Variants in IRX2 observed in about 807,000 individuals in gnomAD.
IRX2 encodes the protein iroquois-class homeodomain protein IRX-2.
In IRX2, 26 loss-of-function variants were observed where a neutral mutation model predicts 42.9. That is an observed-to-expected ratio of 0.61 (90% confidence interval 0.44 to 0.84). The LOEUF is 0.84. Ranked by LOEUF, IRX2 falls within the 40% of genes least tolerant of loss-of-function variation. The pLI is 0.00. For synonymous variants in IRX2, 424 were observed against 353.9 expected, an observed-to-expected ratio of 1.20 and a Z score of -2.22; for missense variants, 782 against 713.9, an observed-to-expected ratio of 1.10 and a Z score of -1.09.
chr5:2,741,172 C>T (rs1054987331), downstream of IRX2, among the ~76,000 whole-genome samples: 1 of 152,226 alleles, frequency 6.6e-6, no homozygotes, highest in Admixed American at 6.5e-5. Context: ...CCCACCTTTC[C>T]CCAGTAAGAA....
At chr5:2,736,243 T>TGGTGAA in the IRX2 span, among the ~76,000 whole-genome samples, 1 of 152,184 alleles carries the variant, frequency 6.6e-6, no homozygotes, top group Non-Finnish European at 1.5e-5. Flanking sequence ...AGCCTTGCCC[T>TGGTGAA]CCACTGGGCC....
chr5:2,748,239 C>T, intron 3 of IRX2, 106 bp downstream of exon 3: 1 of 1,049,214 alleles, frequency 9.5e-7, no homozygotes, highest in Non-Finnish European at 1.3e-6. Context: ...AGGAGTGGCC[C>T]CCTGGATCTT....
chr5:2,740,180 TGC>T, the IRX2 span, among the ~76,000 whole-genome samples: 2 of 124,320 alleles, frequency 1.6e-5, no homozygotes, highest in Non-Finnish European at 3.4e-5. Context: ...AGTCGTGGCG[TGC>T]GGGGGCGGGG....
At position 2,749,685 on chromosome 5, in the gene IRX2, G is replaced by A; in HGVS notation, c.352C>T (p.Arg118Cys). Residue 118 changes from arginine (R) to cysteine (C), a missense_variant, in exon 2 of 4, where the codon CGC becomes TGC. By Grantham distance (180) the Arg-to-Cys change is radical (BLOSUM62 -3). Around this residue, in one of 3 missense-constraint regions of IRX2, gnomAD observed 256 missense variants for 250.0 expected, o/e 1.02. Coordinates refer to ENST00000302057, the MANE Select transcript of IRX2 (RefSeq NM_033267.5). ...YPYQLNDPAY[R>C]KNATRDATAT... ...GTGGCGTCCCGCGTGGCGTTCTTGC[G>A]GTACGCGGGGTCGTTGAGCTGGTAC... is the stretch of plus-strand genomic sequence containing the variant. The A allele has an allele frequency of 3.7e-6, 6 of 1,614,194 alleles. No individual in the cohort carries two copies. Among genetic ancestry groups the A allele is most frequent in the Non-Finnish European group, 4.2e-6 (5 of 1,180,038 alleles).
chr5:2,740,775 G>A, the IRX2 span, among the ~76,000 whole-genome samples: 2 of 151,936 alleles, frequency 1.3e-5, no homozygotes, highest in Non-Finnish European at 2.9e-5. Context: ...CCGGGCCAGC[G>A]CCTCCAGCTC....
rs955214400 is a variant in IRX2 at position 2,749,274 on chromosome 5, C to T, written c.655+108G>A. The T allele has an allele frequency of 4.8e-6, 7 of 1,473,568 alleles. No homozygotes were observed. In the African/African-American group the frequency reaches 5.7e-5, roughly 12 times the overall value. 91.3% of individuals were successfully genotyped at this position (1,473,568 alleles called of 1,614,324 possible). A position where few individuals can be genotyped will look rare whatever the true frequency, so the allele number is the denominator to read the frequency against. ...GGGCAATGTGGTGCGGCTGGGGCTC[C>T]GGCCCGGACCTGGGGTGTCCGGCGG... is the stretch of plus-strand genomic sequence containing the variant. On this transcript the variant is annotated intron_variant, in intron 2 of 3. Transcript: ENST00000302057.
In IRX2 at chr5:2,751,074, C is replaced by A; in HGVS notation, c.249+91G>T. On this transcript the variant is annotated intron_variant, in intron 1 of 3. Transcript: ENST00000302057. This position sits in a 1 kb window ranked among gnomAD's most constrained non-coding sequence, Gnocchi z 4.0. ...GCCAGCCGCGCCACATTCCCGGCGG[C>A]CCCCGCCCGCCGAACCCGAGCCCCG... 1 of 1,168,870 alleles carries A rather than the reference C, an allele frequency of 8.6e-7. No individual in the cohort carries two copies. The highest frequency in any genetic ancestry group is 1.1e-6 in the Non-Finnish European group (1 of 943,892). The allele number at this position is 1,168,870 out of a possible 1,614,324, so 72.4% of individuals were successfully genotyped here.
At chr5:2,747,670 G>A (rs1737723799) in intron 3 of IRX2, 54 bp from the exon 4 acceptor site, 2 of 1,565,396 alleles carry the variant, frequency 1.3e-6, no homozygotes, top group Non-Finnish European at 1.8e-6. Context: ...TGCTGGCTGC[G>A]CAGACCACCG....
chr5:2,751,325 G>A lies in IRX2; in HGVS notation c.89C>T (p.Ala30Val). Residue 30 changes from alanine to valine, a missense_variant, in exon 1 of 4, where the codon GCT becomes GTT. By Grantham distance (64) the Ala-to-Val change is moderately conservative. Transcript: ENST00000302057. This position sits in a 1 kb window ranked among gnomAD's most constrained non-coding sequence, Gnocchi z 4.0. ...CPAYGASALAAPRSEELARSA... is the reference protein window; with the variant it reads ...CPAYGASALAVPRSEELARSA... ...GCGCGCCAGCTCCTCGCTGCGCGGA[G>A]CCGCCAAAGCCGACGCGCCGTAGGC... is the stretch of plus-strand genomic sequence containing the variant. The A allele has an allele frequency of 7.0e-7, 1 of 1,437,892 alleles. No individual in the cohort carries two copies. Among genetic ancestry groups the A allele is most frequent in the Non-Finnish European group, 9.1e-7 (1 of 1,096,024 alleles). The allele number at this position is 1,437,892 out of a possible 1,614,324, so 89.1% of individuals were successfully genotyped here.
At chr5:2,738,526 G>T in the IRX2 span, among the ~76,000 whole-genome samples, 55 of 152,254 alleles carry the variant, frequency 3.6e-4, 1 homozygote, top group African/African-American at 9.9e-4. Flanking sequence ...TTGTCCTCCC[G>T]GCCGCCTCTT....
Position 2,747,329 on chromosome 5 carries a change from T to TC in IRX2, c.*234dup. The TC allele has an allele frequency of 2.7e-6, 1 of 365,216 alleles. No individual in the cohort carries two copies. The highest frequency in any genetic ancestry group is 4.1e-5 in the East Asian group (1 of 24,472). 22.6% of individuals were successfully genotyped at this position (365,216 alleles called of 1,614,324 possible). ...CACATATATATATATATTTTTTTTT[T>TC]CCTTCCCTAGGTAAAGGAGTGATAG... On this transcript the variant is annotated 3_prime_UTR_variant, in exon 4 of 4. Transcript: ENST00000302057.
rs147644378 is a variant in IRX2 at position 2,749,506 on chromosome 5, C to T, written c.531G>A (p.Lys177=). The change falls in exon 2 of 4, where the codon AAG becomes AAA. Residue 177 remains lysine, a synonymous_variant. Transcript: ENST00000302057. The part of the protein sequence containing the change: ...NARRRLKKEN[K]MTWAPRNKSE... Reference sequence around the variant, plus strand: ...TTTTGTTTCTCGGGGCCCAGGTCATCTTGTTCTCCTTCTTGAGGCGCCGGC... The same window carrying T: ...TTTTGTTTCTCGGGGCCCAGGTCATTTTGTTCTCCTTCTTGAGGCGCCGGC... 7.7e-5 allele frequency: 125 copies of T among 1,614,232 alleles called. No homozygotes were observed. In the African/African-American group the frequency reaches 1.5e-3, roughly 19 times the overall value.
At chr5:2,742,553 C>CA (rs1388133055), downstream of IRX2, among the ~76,000 whole-genome samples, 2 of 151,738 alleles carry the variant, frequency 1.3e-5, no homozygotes, top group African/African-American at 4.8e-5. Context: ...TTAACGCTTT[C>CA]AAAAAAATAG....
downstream of IRX2, among the ~76,000 whole-genome samples, chr5:2,740,992 C>T (rs555785660): frequency 7.0e-4 from 107 of 152,362 alleles, no homozygotes; most frequent in African/African-American, 2.5e-3. Flanking sequence ...CCTAACCTTT[C>T]AGGGTCCAAG....
the IRX2 span, among the ~76,000 whole-genome samples, chr5:2,739,250 G>A: frequency 0.017 from 2,619 of 152,332 alleles, 26 homozygotes; most frequent in Non-Finnish European, 0.027. Context: ...CTCGCTCCGT[G>A]CGCCCAAGGG....
intron 3 of IRX2, 88 bp downstream of exon 3, chr5:2,748,257 G>T: frequency 8.2e-7 from 1 of 1,225,154 alleles, no homozygotes; most frequent in Non-Finnish European, 1.1e-6. Flanking sequence ...CTTCTTCCCG[G>T]ACCCTCCCTC....
chr5:2,751,295 G>T lies in IRX2; in HGVS notation c.119C>A (p.Ala40Glu). Residue 40 changes from alanine to glutamate, a missense_variant, in exon 1 of 4, where the codon GCG (alanine) becomes GAG (glutamate). By Grantham distance (107) the Ala-to-Glu change is moderately radical. Transcript: ENST00000302057. This position sits in a 1 kb window ranked among gnomAD's most constrained non-coding sequence, Gnocchi z 4.0. ...GTAGGGGCTGAACGCCGAGCCCGACGCCGAGCGCGCCAGCTCCTCGCTGCG... is the reference window on the plus strand; with the variant it reads ...GTAGGGGCTGAACGCCGAGCCCGACTCCGAGCGCGCCAGCTCCTCGCTGCG... ...APRSEELARS[A>E]SGSAFSPYPG... 7.0e-7 allele frequency: 1 copy of T among 1,433,102 alleles called. No individual in the cohort carries two copies. The highest frequency in any genetic ancestry group is 1.5e-5 in the African/African-American group (1 of 66,922). 88.8% of individuals were successfully genotyped at this position (1,433,102 alleles called of 1,614,324 possible).
In IRX2 at chr5:2,751,014, G is replaced by A; in HGVS notation, c.249+151C>T. 1.1e-6 allele frequency: 1 copy of A among 932,590 alleles called. No homozygotes were observed. Among genetic ancestry groups the A allele is most frequent in the Non-Finnish European group, 1.4e-6 (1 of 736,724 alleles). The allele number at this position is 932,590 out of a possible 1,614,324, so 57.8% of individuals were successfully genotyped here. ...CCCCACCCGGGGCCCGGCTCAGCCT[G>A]CGGGGCGGCCAACCGAGCCGGCGAC... On this transcript the variant is annotated intron_variant, in intron 1 of 3. Coordinates refer to ENST00000302057, the MANE Select transcript of IRX2 (RefSeq NM_033267.5). The surrounding 1 kb of genome is among the most constrained non-coding windows in gnomAD (Gnocchi z 4.0).
At chr5:2,739,271 A>G in the IRX2 span, among the ~76,000 whole-genome samples, 4 of 152,260 alleles carry the variant, frequency 2.6e-5, no homozygotes, top group East Asian at 7.8e-4. Flanking sequence ...GCGTCCCCCG[A>G]GGTGTCGCCT....
Sources: allele counts gnomAD v4.1 joint callset (sites outside exome capture counted in the v4.1 genomes callset), GRCh38; gene constraint gnomAD v4.1.1; regional missense constraint gnomAD v4.1.1; non-coding constraint Gnocchi (gnomAD v3.1); transcripts MANE v1.5; gene names NCBI Gene and HGNC (gene_info 2026-07-23, HGNC 2026-07-21).